PON3: variants seen among roughly 807,000 people sequenced by gnomAD.
PON3 encodes the protein paraoxonase 3.
Under a neutral mutation model 36.3 loss-of-function variants are expected in PON3, and 37 were observed. That is an observed-to-expected ratio of 1.02 (90% confidence interval 0.78 to 1.34). The LOEUF (loss-of-function observed/expected upper bound fraction) is 1.34. Among genes scored for constraint, PON3 ranks in the 40% most tolerant of loss-of-function variants. The pLI is 0.00. For missense variants in PON3, 415 were observed against 426.5 expected, an observed-to-expected ratio of 0.97 and a Z score of 0.24; for synonymous variants, 155 against 154.8, an observed-to-expected ratio of 1.00 and a Z score of -0.01.
At chr7:95,391,517 T>C (rs889113688) in intron 2 of PON3, among the ~76,000 whole-genome samples, 2 of 152,206 alleles carry the variant, frequency 1.3e-5, no homozygotes, top group Non-Finnish European at 2.9e-5. Flanking sequence ...CAGAGAAAGA[T>C]ATATTTCACC....
intron 2 of PON3, among the ~76,000 whole-genome samples, chr7:95,390,756 T>C (rs184587724): frequency 1.3e-5 from 2 of 152,318 alleles, no homozygotes; most frequent in East Asian, 3.9e-4. Flanking sequence ...GAAAGTTTAG[T>C]TAGATCTTTT....
intron 3 of PON3, among the ~76,000 whole-genome samples, chr7:95,375,115 T>A (rs978466827): frequency 6.6e-6 from 1 of 152,066 alleles, no homozygotes; most frequent in Non-Finnish European, 1.5e-5. Flanking sequence ...GTTAAGGACA[T>A]CACTATGCTC....
Position 95,360,043 on chromosome 7 carries a change from A to G in PON3, c.995T>C (p.Val332Ala), listed in dbSNP as rs753946112. The G allele has an allele frequency of 6.2e-6, 10 of 1,613,388 alleles. 1 individual carries two copies. The South Asian group carries it at 1.1e-4, about 18-fold the overall frequency. ...AATTTTCCCATGGTACACAGAAGCCACAGAGGTGCCCTGAAGCACAGAGCC... is the reference window on the plus strand; with the variant it reads ...AATTTTCCCATGGTACACAGAAGCCGCAGAGGTGCCCTGAAGCACAGAGCC... ...NNGSVLQGTSVASVYHGKILI... is the reference protein window; with the variant it reads ...NNGSVLQGTSAASVYHGKILI... The change falls in exon 9 of 9, where the codon GTG (valine) becomes GCG (alanine). Residue 332 changes from valine to alanine, a missense_variant. By Grantham distance (64) the Val-to-Ala change is moderately conservative. Transcript: ENST00000265627.
chr7:95,376,304 A>G (rs1172335757), intron 3 of PON3, among the ~76,000 whole-genome samples: 1 of 152,240 alleles, frequency 6.6e-6, no homozygotes, highest in Non-Finnish European at 1.5e-5. Context: ...TCAAGTCCCA[A>G]GGCAGGGAAG....
At chr7:95,384,773 G>T (rs1809149253) in intron 3 of PON3, among the ~76,000 whole-genome samples, 1 of 152,178 alleles carries the variant, frequency 6.6e-6, no homozygotes, top group South Asian at 2.1e-4. Context: ...GTTCAACCTT[G>T]TGGAAGACAG....
At chr7:95,368,447 A>G (rs1265529470) in intron 4 of PON3, among the ~76,000 whole-genome samples, 3 of 152,224 alleles carry the variant, frequency 2.0e-5, no homozygotes, top group Non-Finnish European at 4.4e-5. Context: ...CTCTGTTCCA[A>G]GGCTCAGGGC....
chr7:95,368,787 C>A, intron 4 of PON3, among the ~76,000 whole-genome samples: 1 of 139,448 alleles, frequency 7.2e-6, no homozygotes, highest in South Asian at 2.3e-4. Context: ...AAACATGTCC[C>A]ATCTCAAAAA....
At chr7:95,368,641 A>G (rs468) in intron 4 of PON3, among the ~76,000 whole-genome samples, 8,138 of 152,158 alleles carry the variant, frequency 0.053, 330 homozygotes, top group East Asian at 0.18. Flanking sequence ...TCCTCATTCC[A>G]TCTCTATTTC....
At chr7:95,388,400 T>A (rs1366088949) in intron 3 of PON3, among the ~76,000 whole-genome samples, 1 of 152,162 alleles carries the variant, frequency 6.6e-6, no homozygotes, top group Non-Finnish European at 1.5e-5. Flanking sequence ...TACCATCTCA[T>A]GCCAGTTAGA....
At chr7:95,389,371 C>T (rs1183174544) in intron 3 of PON3, among the ~76,000 whole-genome samples, 1 of 152,134 alleles carries the variant, frequency 6.6e-6, no homozygotes, top group Non-Finnish European at 1.5e-5. Context: ...AATCCATGTT[C>T]TTTGGTGGTA....
intron 2 of PON3, among the ~76,000 whole-genome samples, chr7:95,393,164 A>G (rs1809356246): frequency 6.6e-6 from 1 of 152,196 alleles, no homozygotes; most frequent in Non-Finnish European, 1.5e-5. Context: ...CTTTTTCTGT[A>G]TTTTTAAATA....
chr7:95,383,692 C>T (rs1809117223), intron 3 of PON3, among the ~76,000 whole-genome samples: 1 of 151,922 alleles, frequency 6.6e-6, no homozygotes, highest in African/African-American at 2.4e-5. Flanking sequence ...CACTGCTCAA[C>T]AAAATAAAAG....
intron 3 of PON3, among the ~76,000 whole-genome samples, chr7:95,373,224 C>T (rs1179759667): frequency 2.0e-5 from 3 of 152,048 alleles, no homozygotes; most frequent in South Asian, 4.1e-4. Flanking sequence ...TCTCTCTTTC[C>T]TATTTCACCT....
intron 5 of PON3, chr7:95,365,455 G>C (rs1808669516): frequency 6.6e-6 from 1 of 152,320 alleles, no homozygotes; most frequent in African/African-American, 2.4e-5. Context: ...ACTAATAGGA[G>C]ATGGGGCTGG....
chr7:95,380,987 G>T (rs1056414717), intron 3 of PON3, among the ~76,000 whole-genome samples: 1 of 152,208 alleles, frequency 6.6e-6, no homozygotes, highest in Non-Finnish European at 1.5e-5. Context: ...AAGCCCATCA[G>T]ACTAACAGCT....
At chr7:95,384,670 G>C (rs1009043866) in intron 3 of PON3, among the ~76,000 whole-genome samples, 3 of 152,202 alleles carry the variant, frequency 2.0e-5, no homozygotes, top group Non-Finnish European at 4.4e-5. Flanking sequence ...ACACCAGTTA[G>C]AATGACGATC....
intron 4 of PON3, 107 bp downstream of exon 4, chr7:95,372,066 G>T: frequency 7.6e-7 from 1 of 1,313,578 alleles, no homozygotes; most frequent in Non-Finnish European, 1.1e-6. Flanking sequence ...CATCTGTATG[G>T]TAAAATAGCA....
At chr7:95,362,614 C>T (rs566349072) in intron 7 of PON3, 124 bp from the exon 8 acceptor site, 38 of 1,474,276 alleles carry the variant, frequency 2.6e-5, no homozygotes, top group South Asian at 9.3e-5. Flanking sequence ...GGGGGCTTTG[C>T]TTCTGTATTT....
intron 3 of PON3, among the ~76,000 whole-genome samples, chr7:95,372,581 G>A (rs1282518102): frequency 2.0e-5 from 3 of 152,090 alleles, no homozygotes; most frequent in East Asian, 1.9e-4. Context: ...TTTTAATTTA[G>A]AGAAAAGGAG....
Sources: allele counts gnomAD v4.1 joint callset (sites outside exome capture counted in the v4.1 genomes callset), GRCh38; gene constraint gnomAD v4.1.1; transcripts MANE v1.5; gene names NCBI Gene and HGNC (gene_info 2026-07-23, HGNC 2026-07-21).